Variants in ITFG1 observed in about 807,000 individuals in gnomAD.
The protein encoded by ITFG1 is integrin alpha FG-GAP repeat containing 1, also known as T-cell immunomodulatory protein.
Under a neutral mutation model 81.8 loss-of-function variants are expected in ITFG1, and 34 were observed. That is an observed-to-expected ratio of 0.42 (90% CI 0.32 to 0.55). ITFG1 has a LOEUF of 0.55. ITFG1 is among the 20% of genes least tolerant of loss of function. The pLI is 0.17. For missense variants in ITFG1, 672 were observed against 755.4 expected (o/e 0.89, Z 1.29); for synonymous variants, 285 against 270.6 (o/e 1.05, Z -0.52).
At chr16:47,248,428 T>C (rs1023587054) in intron 12 of ITFG1, among the ~76,000 whole-genome samples, 2 of 152,018 alleles carry the variant, frequency 1.3e-5, no homozygotes, top group African/African-American at 4.8e-5. Context: ...AACCAAAACC[T>C]TACCAATAAA....
chr16:47,447,945 T>G (rs1969343474), intron 5 of ITFG1, among the ~76,000 whole-genome samples: 1 of 152,208 alleles, frequency 6.6e-6, no homozygotes. Flanking sequence ...CAGATTTTAA[T>G]AGATTCCTTT....
At chr16:47,392,094 C>CA in intron 6 of ITFG1, among the ~76,000 whole-genome samples, 1 of 152,034 alleles carries the variant, frequency 6.6e-6, no homozygotes, top group Non-Finnish European at 1.5e-5. Context: ...TTAATGAAAG[C>CA]AAACTTACAA....
intron 14 of ITFG1, among the ~76,000 whole-genome samples, chr16:47,217,006 A>G (rs942576256): frequency 6.6e-6 from 1 of 152,192 alleles, no homozygotes; most frequent in Admixed American, 6.5e-5. Context: ...TTACTGTTGT[A>G]TTGTTGTATT....
At position 47,177,140 on chromosome 16, in the gene ITFG1, T is replaced by C. The variant is rs564412250; in HGVS notation, c.1454-14476A>G. Among the ~76,000 whole-genome samples the C allele has an allele frequency of 3.3e-5, 5 of 152,174 alleles. No individual in the cohort carries two copies. In the East Asian group the frequency reaches 7.7e-4, roughly 24 times the overall value. ...ATATCTGGCTAATTTATTTTTATTT[T>C]TTAAAATTTTTAAGGGAAGGGGTCT... On this transcript the variant is annotated intron_variant, in intron 14 of 17. Coordinates refer to ENST00000320640, the MANE Select transcript of ITFG1 (RefSeq NM_030790.5).
intron 14 of ITFG1, among the ~76,000 whole-genome samples, chr16:47,205,878 ATCTATCTATCTGAG>A (rs1364673862): frequency 6.6e-5 from 9 of 137,380 alleles, no homozygotes; most frequent in Non-Finnish European, 1.3e-4. Flanking sequence ...CTATCTATCT[ATCTATCTATCTGAG>A]TCTAACTTTG....
At chr16:47,405,690 A>C (rs541875305) in intron 6 of ITFG1, among the ~76,000 whole-genome samples, 1 of 152,336 alleles carries the variant, frequency 6.6e-6, no homozygotes, top group South Asian at 2.1e-4. Flanking sequence ...AGGATGAAAA[A>C]GCAAATACAT....
chr16:47,264,545 T>TAC (rs60424367), intron 10 of ITFG1, among the ~76,000 whole-genome samples: 14,370 of 135,968 alleles, frequency 0.11, 707 homozygotes, highest in East Asian at 0.17. Context: ...TGTTCTCTAT[T>TAC]ACACACACAC....
At chr16:47,296,038 A>C (rs1966976186) in intron 10 of ITFG1, among the ~76,000 whole-genome samples, 1 of 152,098 alleles carries the variant, frequency 6.6e-6, no homozygotes, top group African/African-American at 2.4e-5. Context: ...AGCTGAGTCT[A>C]CAGGCATGCA....
intron 12 of ITFG1, among the ~76,000 whole-genome samples, chr16:47,253,324 A>T (rs1295897430): frequency 6.6e-6 from 1 of 152,218 alleles, no homozygotes; most frequent in African/African-American, 2.4e-5. Flanking sequence ...CAATTTGAAA[A>T]ACTGTCAACA....
chr16:47,214,810 A>C (rs1965605228), intron 14 of ITFG1, among the ~76,000 whole-genome samples: 1 of 151,794 alleles, frequency 6.6e-6, no homozygotes, highest in Admixed American at 6.6e-5. Flanking sequence ...GCCTTTACTG[A>C]ATAATATTAA....
At chr16:47,445,247 GAAAA>G (rs907756228) in intron 5 of ITFG1, among the ~76,000 whole-genome samples, 1 of 30,826 alleles carries the variant, frequency 3.2e-5, no homozygotes, top group East Asian at 1.0e-3. Flanking sequence ...CTCCGTCTCA[GAAAA>G]AAAAAAAAAA....
At chr16:47,262,658 G>A (rs1966224774) in intron 10 of ITFG1, 1 of 152,206 alleles carries the variant, frequency 6.6e-6, no homozygotes, top group South Asian at 2.1e-4. Flanking sequence ...AAACCCTTTT[G>A]CAGTCATGCA....
rs535062953 is a variant in ITFG1, at chr16:47,182,370, T to C, written c.1454-19706A>G. ...TCAAAAATTAAAGAGACAACTGTTA[T>C]TACTTAGGTGGCTCTCAAAAAAAAA... is the stretch of plus-strand genomic sequence containing the variant. On this transcript the variant is annotated intron_variant, in intron 14 of 17. Coordinates refer to ENST00000320640, the MANE Select transcript of ITFG1 (RefSeq NM_030790.5). 2.7e-5 allele frequency among the ~76,000 whole-genome samples: 4 copies of C among 150,644 alleles called. No homozygotes were observed. The South Asian group carries it at 8.3e-4, about 31-fold the overall frequency.
intron 6 of ITFG1, among the ~76,000 whole-genome samples, chr16:47,408,507 A>C (rs183640115): frequency 6.6e-6 from 1 of 152,362 alleles, no homozygotes; most frequent in African/African-American, 2.4e-5. Flanking sequence ...TGATCTAATA[A>C]AGAAAAAGGT....
chr16:47,295,620 T>A (rs192903610), intron 10 of ITFG1, among the ~76,000 whole-genome samples: 5 of 152,350 alleles, frequency 3.3e-5, no homozygotes, highest in Admixed American at 3.3e-4. Flanking sequence ...TATTCTCTGA[T>A]GATCTTTCAT....
At chr16:47,352,849 A>G (rs1967982841) in intron 8 of ITFG1, among the ~76,000 whole-genome samples, 1 of 152,250 alleles carries the variant, frequency 6.6e-6, no homozygotes, top group South Asian at 2.1e-4. Flanking sequence ...AAAATGTGGC[A>G]CATATACACC....
At chr16:47,273,015 G>A (rs894689843) in intron 10 of ITFG1, among the ~76,000 whole-genome samples, 2 of 150,512 alleles carry the variant, frequency 1.3e-5, no homozygotes. Flanking sequence ...TATTCTAGGT[G>A]GTTAATGTGC....
intron 10 of ITFG1, among the ~76,000 whole-genome samples, chr16:47,289,323 G>C (rs1966883287): frequency 6.6e-6 from 1 of 152,030 alleles, no homozygotes. Context: ...TTTTTCTGTT[G>C]CATCCTTGTC....
At chr16:47,446,604 G>A (rs1365458330) in intron 5 of ITFG1, among the ~76,000 whole-genome samples, 1 of 152,128 alleles carries the variant, frequency 6.6e-6, no homozygotes, top group Non-Finnish European at 1.5e-5. Context: ...CACACCTCCA[G>A]TCAGGACTAC....
Sources: gnomAD v4.1 joint callset for allele counts (sites outside exome capture counted in the v4.1 genomes callset) on GRCh38, gnomAD v4.1.1 for gene constraint, MANE v1.5 for transcripts, NCBI Gene and HGNC (gene_info 2026-07-23, HGNC 2026-07-21) for gene names.